Variants in PCDHGB3 observed in about 807,000 individuals in gnomAD.
The protein encoded by PCDHGB3 is protocadherin gamma-B3.
Under a neutral mutation model 59.2 loss-of-function variants are expected in PCDHGB3, and 40 were observed. That is an observed-to-expected ratio of 0.68 (90% confidence interval 0.52 to 0.88). PCDHGB3 has a LOEUF of 0.88. Ranked by LOEUF, PCDHGB3 falls within the 40% of genes least tolerant of loss-of-function variation. The pLI is 0.00. For synonymous variants in PCDHGB3, 581 were observed against 503.6 expected, an observed-to-expected ratio of 1.15 and a Z score of -2.06; for missense variants, 1,309 against 1,187.9, an observed-to-expected ratio of 1.10 and a Z score of -1.50.
intron 1 of PCDHGB3, among the ~76,000 whole-genome samples, chr5:141,445,885 G>A (rs1171777990): frequency 1.3e-5 from 2 of 152,148 alleles, no homozygotes; most frequent in African/African-American, 4.8e-5. Flanking sequence ...CTTGTACTTA[G>A]GAGCTATTAA....
intron 1 of PCDHGB3, chr5:141,428,329 A>G (rs928788851): frequency 4.8e-6 from 3 of 627,180 alleles, no homozygotes; most frequent in South Asian, 3.5e-5. Context: ...CTTGATTTCT[A>G]TGCTCTTCTT....
chr5:141,423,693 G>T lies in PCDHGB3; in HGVS notation c.2415+50884G>T, dbSNP rs114008539. On this transcript the variant is annotated intron_variant, in intron 1 of 3. Transcript: ENST00000576222. ...TTATTTCTCTGCCTCCTAATTGTTG[G>T]TGTCTTGGCACAAGTCTTTTAAGGA... 910 of 1,396,244 alleles carry T rather than the reference G, an allele frequency of 6.5e-4. 7 individuals carry two copies. The African/African-American group carries it at 0.012, about 18-fold the overall frequency. 86.5% of individuals were successfully genotyped at this position (1,396,244 alleles called of 1,614,324 possible).
At chr5:141,403,300 G>C (rs1469024873) in intron 1 of PCDHGB3, 4 of 1,613,892 alleles carry the variant, frequency 2.5e-6, no homozygotes, top group Non-Finnish European at 3.4e-6. Context: ...GAGTGAAACT[G>C]TACGGAATAG....
At chr5:141,423,620 C>A in intron 1 of PCDHGB3, 1 of 1,608,268 alleles carries the variant, frequency 6.2e-7, no homozygotes, top group Non-Finnish European at 8.5e-7. Flanking sequence ...GCTGAAGACT[C>A]AGCTATCATT....
chr5:141,418,663 C>T, intron 1 of PCDHGB3: 1 of 1,613,960 alleles, frequency 6.2e-7, no homozygotes, highest in South Asian at 1.1e-5. Flanking sequence ...AGGCCACTGA[C>T]CAGGACGAGG....
chr5:141,428,744 T>C (rs939886054), intron 1 of PCDHGB3: 10 of 155,306 alleles, frequency 6.4e-5, no homozygotes, highest in African/African-American at 2.4e-4. Context: ...ATATCTACTA[T>C]TGCTTCAGGT....
intron 1 of PCDHGB3, chr5:141,420,929 G>A (rs1321290902): frequency 1.4e-5 from 5 of 362,196 alleles, no homozygotes; most frequent in Non-Finnish European, 2.5e-5. Flanking sequence ...AAAGGTGAGC[G>A]TAATCATTTC....
In PCDHGB3 at chr5:141,371,237, C is replaced by A. The variant is rs957754662; in HGVS notation, c.843C>A (p.Phe281Leu). The A allele has an allele frequency of 5.0e-6, 8 of 1,614,002 alleles. No individual in the cohort carries two copies. Among genetic ancestry groups the A allele is most frequent in the Non-Finnish European group, 5.1e-6 (6 of 1,179,892 alleles). Residue 281 changes from phenylalanine (F) to leucine (L), a missense_variant, in exon 1 of 4, where the codon TTC becomes TTA. Phe to Leu is a conservative substitution (Grantham distance 22, BLOSUM62 0). Coordinates refer to ENST00000576222, the MANE Select transcript of PCDHGB3 (RefSeq NM_018924.5). ...EGINAEIIYA[F>L]INIGKEVRQL... ...TCAATGCCGAAATCATCTATGCCTT[C>A]ATCAATATTGGCAAGGAAGTGAGAC...
At chr5:141,376,108 G>A (rs368739165) in intron 1 of PCDHGB3, 172 of 1,613,770 alleles carry the variant, frequency 1.1e-4, no homozygotes, top group Middle Eastern at 1.0e-3. Context: ...TGGCCGACCT[G>A]GGCAGCCTCG....
intron 1 of PCDHGB3, chr5:141,408,648 G>A: frequency 2.5e-6 from 4 of 1,613,922 alleles, no homozygotes; most frequent in South Asian, 2.2e-5. Flanking sequence ...GCATCCGCTG[G>A]TACACGACTA....
chr5:141,375,511 A>C (rs372798366), intron 1 of PCDHGB3: 2 of 1,613,960 alleles, frequency 1.2e-6, no homozygotes, highest in South Asian at 2.2e-5. Flanking sequence ...CTGTGAATGC[A>C]CTGGACCCTG....
At chr5:141,422,639 C>A (rs777330051) in intron 1 of PCDHGB3, 1 of 1,612,780 alleles carries the variant, frequency 6.2e-7, no homozygotes, top group South Asian at 1.1e-5. Context: ...AGGGGTGCCT[C>A]CATCTTCTCA....
At chr5:141,393,504 A>G (rs369406530) in intron 1 of PCDHGB3, 1 of 1,614,036 alleles carries the variant, frequency 6.2e-7, no homozygotes, top group African/African-American at 1.3e-5. Flanking sequence ...CATCCACGTG[A>G]CAGTGTTGGA....
intron 1 of PCDHGB3, chr5:141,409,494 C>T (rs755680835): frequency 8.1e-6 from 13 of 1,613,910 alleles, no homozygotes; most frequent in South Asian, 3.3e-5. Context: ...GGCAAGCCGC[C>T]TCTTTCTTCC....
chr5:141,393,623 T>A (rs1446921809), intron 1 of PCDHGB3: 2 of 1,613,916 alleles, frequency 1.2e-6, no homozygotes, highest in African/African-American at 2.7e-5. Flanking sequence ...GCGACCCGGA[T>A]GAGGGAATCA....
chr5:141,395,391 A>G, intron 1 of PCDHGB3: 2 of 944,730 alleles, frequency 2.1e-6, no homozygotes, highest in Non-Finnish European at 3.1e-6. Flanking sequence ...ATAAAATTGA[A>G]CTCTAATAGT....
intron 2 of PCDHGB3, among the ~76,000 whole-genome samples, chr5:141,501,258 T>G (rs2099806611): frequency 1.3e-5 from 2 of 150,950 alleles, no homozygotes; most frequent in South Asian, 4.2e-4. Flanking sequence ...GGGAGTATTT[T>G]ATTATAGTCC....
In PCDHGB3 at chr5:141,486,981, A is replaced by G. The variant is rs1457098151; in HGVS notation, c.2416-7826A>G. Reference sequence around the variant, plus strand: ...GCTGTGGACTTGGATTCAGGTTACAATGCTTGGGTTTCCTATCAGCTCCTG... The same window carrying G: ...GCTGTGGACTTGGATTCAGGTTACAGTGCTTGGGTTTCCTATCAGCTCCTG... On this transcript the variant is annotated intron_variant, in intron 1 of 3. Coordinates refer to ENST00000576222, the MANE Select transcript of PCDHGB3 (RefSeq NM_018924.5). The surrounding 1 kb of genome is among the most constrained non-coding windows in gnomAD (Gnocchi z 5.0). 17 of 1,614,038 alleles carry G rather than the reference A, an allele frequency of 1.1e-5. No individual in the cohort carries two copies. The highest frequency in any genetic ancestry group is 4.0e-5 in the African/African-American group (3 of 74,922).
rs761386567 is a variant in PCDHGB3 at position 141,383,468 on chromosome 5, A to G, written c.2415+10659A>G. ...GTGCAAAGTGGAGACGATGAAACTA[A>G]GTACCCGGAACTGGTGCTGGAGCGG... On this transcript the variant is annotated intron_variant, in intron 1 of 3. Transcript: ENST00000576222. The G allele has an allele frequency of 1.1e-5, 17 of 1,613,656 alleles. 1 individual carries two copies. In the South Asian group the frequency reaches 1.9e-4, roughly 18 times the overall value.
Sources: allele counts gnomAD v4.1 joint callset (sites outside exome capture counted in the v4.1 genomes callset), GRCh38; gene constraint gnomAD v4.1.1; non-coding constraint Gnocchi (gnomAD v3.1); transcripts MANE v1.5; gene names NCBI Gene and HGNC (gene_info 2026-07-23, HGNC 2026-07-21).